Variants in PLCH1 observed in about 807,000 individuals in gnomAD.
PLCH1 encodes 1-phosphatidylinositol 4,5-bisphosphate phosphodiesterase eta-1.
A neutral mutation model predicts 126.7 loss-of-function variants in PLCH1; 60 were observed. That is an observed-to-expected ratio of 0.47 (90% CI 0.38 to 0.59). The LOEUF is 0.59. Among genes scored for constraint, PLCH1 ranks in the 20% least tolerant of loss-of-function variants. The probability of loss-of-function intolerance (pLI) is 0.00; values close to 1 mark genes in which losing one functional copy is unlikely to be tolerated. For synonymous variants in PLCH1, 719 were observed against 734.9 expected (o/e 0.98, Z 0.35); for missense variants, 1,723 against 2,040.0 (o/e 0.84, Z 2.99).
chr3:155,475,183 C>G (rs546236378), downstream of PLCH1, among the ~76,000 whole-genome samples: 1 of 151,310 alleles, frequency 6.6e-6, no homozygotes, highest in Non-Finnish European at 1.5e-5. Context: ...TATACAAATA[C>G]ATGGAAATTA....
At chr3:155,486,242 A>C in intron 21 of PLCH1, 1 of 1,300,942 alleles carries the variant, frequency 7.7e-7, no homozygotes, top group Non-Finnish European at 1.1e-6. Flanking sequence ...ACAAAACACA[A>C]TTGGGGCTCA....
At chr3:155,535,391 C>T (rs1441367246) in intron 10 of PLCH1, among the ~76,000 whole-genome samples, 2 of 152,176 alleles carry the variant, frequency 1.3e-5, no homozygotes, top group Non-Finnish European at 2.9e-5. Flanking sequence ...GGCTTGTAGC[C>T]TGGGGCAAGA....
chr3:155,587,305 G>A (rs976010466), intron 4 of PLCH1, among the ~76,000 whole-genome samples: 1 of 152,176 alleles, frequency 6.6e-6, no homozygotes, highest in Non-Finnish European at 1.5e-5. Context: ...ATACCCCATG[G>A]TACATGATCT....
intron 13 of PLCH1, among the ~76,000 whole-genome samples, chr3:155,504,305 C>A (rs1718341705): frequency 6.6e-6 from 1 of 151,990 alleles, no homozygotes; most frequent in South Asian, 2.1e-4. Context: ...ATGTTAAATA[C>A]AGTTTTTTGG....
In PLCH1 at chr3:155,546,575, C is replaced by T. The variant is rs138199645; in HGVS notation, c.1362+3212G>A. On this transcript the variant is annotated intron_variant, in intron 10 of 22. Coordinates refer to ENST00000460012, the MANE Select transcript of PLCH1 (RefSeq NM_014996.4). ...TATGGAACCAAAAAAGAGCCTGCAA[C>T]GCCAAGTCAATCCTAAGCCAAAAGA... 9.5e-3 allele frequency among the ~76,000 whole-genome samples: 1,444 copies of T among 152,230 alleles called. 23 individuals carry two copies. The highest frequency in any genetic ancestry group is 0.036 in the Admixed American group (556 of 15,290).
chr3:155,570,015 A>G (rs1728990158), intron 6 of PLCH1, among the ~76,000 whole-genome samples: 1 of 152,212 alleles, frequency 6.6e-6, no homozygotes, highest in Admixed American at 6.5e-5. Context: ...CATTCTGTGA[A>G]GTTCACAAAT....
chr3:155,481,119 C>G lies in PLCH1; in HGVS notation c.4907G>C (p.Gly1636Ala), dbSNP rs768968242. The G allele has an allele frequency of 6.2e-7, 1 of 1,614,082 alleles. No homozygotes were observed. The highest frequency in any genetic ancestry group is 8.5e-7 in the Non-Finnish European group (1 of 1,180,024). ...YIAGYLKNTKGGGLEGRGIPE... is the reference protein window; with the variant it reads ...YIAGYLKNTKAGGLEGRGIPE... ...GATGCCCCGGCCTTCAAGGCCACCC[C>G]CTTTCGTGTTCTTCAGGTAGCCTGC... is the stretch of plus-strand genomic sequence containing the variant. The change falls in exon 23 of 23, where the codon GGG (glycine) becomes GCG (alanine). Residue 1636 changes from glycine to alanine, a missense_variant. Around this residue, in one of 2 missense-constraint regions of PLCH1, gnomAD observed 947 missense variants for 977.1 expected, o/e 0.97. Transcript: ENST00000460012. The surrounding 1 kb of genome is among the most constrained non-coding windows in gnomAD (Gnocchi z 4.2).
chr3:155,650,400 G>A (rs1201540509), intron 2 of PLCH1, among the ~76,000 whole-genome samples: 1 of 152,094 alleles, frequency 6.6e-6, no homozygotes, highest in Non-Finnish European at 1.5e-5. Context: ...TATTACCCCT[G>A]AGAACATGCC....
intron 2 of PLCH1, among the ~76,000 whole-genome samples, chr3:155,603,680 C>T (rs1734026397): frequency 6.6e-6 from 1 of 152,094 alleles, no homozygotes; most frequent in Non-Finnish European, 1.5e-5. Flanking sequence ...GTTATTTTAT[C>T]TTTCAATGAG....
chr3:155,526,438 TCTC>T (rs1340492056), intron 10 of PLCH1, among the ~76,000 whole-genome samples: 4 of 151,072 alleles, frequency 2.6e-5, no homozygotes, highest in Non-Finnish European at 5.9e-5. Context: ...TCTCTCTCTC[TCTC>T]TTTTTCTCTC....
At chr3:155,728,082 C>G (rs1438612570) in intron 1 of PLCH1, among the ~76,000 whole-genome samples, 1 of 152,162 alleles carries the variant, frequency 6.6e-6, no homozygotes, top group African/African-American at 2.4e-5. Context: ...CTTCAGTGCT[C>G]AACTGAACCC....
At chr3:155,683,854 C>G (rs1164106223) in intron 2 of PLCH1, among the ~76,000 whole-genome samples, 1 of 152,166 alleles carries the variant, frequency 6.6e-6, no homozygotes, top group Non-Finnish European at 1.5e-5. Context: ...TGCACTTTCC[C>G]CTGAACAGAA....
intron 2 of PLCH1, among the ~76,000 whole-genome samples, chr3:155,626,550 A>C (rs1737273513): frequency 6.6e-6 from 1 of 152,080 alleles, no homozygotes; most frequent in Admixed American, 6.5e-5. Flanking sequence ...CGGGTGGTTC[A>C]CGAGGTCAGG....
Position 155,743,462 on chromosome 3 carries a change from G to A in PLCH1, c.-41+1378C>T, listed in dbSNP as rs1416973047. On this transcript the variant is annotated intron_variant, in intron 1 of 22. Transcript: ENST00000460012. The stretch of plus-strand genomic sequence containing the variant: ...CAAGAGAATAGCTTGAACCCAGGAG[G>A]CGGAGGTTGCAGTGAGCCGAGATCG... 9.6e-6 allele frequency: 4 copies of A among 416,878 alleles called. No individual in the cohort carries two copies. In the Admixed American group the frequency reaches 1.2e-4, roughly 13 times the overall value. The allele number at this position is 416,878 out of a possible 1,614,324, so 25.8% of individuals were successfully genotyped here.
intron 11 of PLCH1, among the ~76,000 whole-genome samples, chr3:155,521,892 C>T (rs1006190981): frequency 6.6e-6 from 1 of 152,126 alleles, no homozygotes; most frequent in Non-Finnish European, 1.5e-5. Flanking sequence ...TAGGGCCAAA[C>T]CAAAGAATCC....
chr3:155,602,521 G>C (rs948270024), intron 2 of PLCH1, among the ~76,000 whole-genome samples: 2 of 147,684 alleles, frequency 1.4e-5, no homozygotes, highest in African/African-American at 5.2e-5. Context: ...AGGGGAGTTT[G>C]TCATTGTGTG....
intron 14 of PLCH1, among the ~76,000 whole-genome samples, chr3:155,498,127 G>A (rs1487925522): frequency 1.3e-5 from 2 of 152,200 alleles, no homozygotes; most frequent in African/African-American, 4.8e-5. Flanking sequence ...CATGATGTAT[G>A]TGTCATCTGG....
chr3:155,464,185 G>A (rs777450265), intron 21 of PLCH1, among the ~76,000 whole-genome samples: 16 of 152,156 alleles, frequency 1.1e-4, no homozygotes, highest in Non-Finnish European at 2.2e-4. Flanking sequence ...GGCTCCCTAG[G>A]GAAAGAGATC....
intron 1 of PLCH1, 136 bp from the exon 2 acceptor site, chr3:155,704,400 G>C (rs74338830): frequency 0.018 from 7,066 of 395,378 alleles, 264 homozygotes; most frequent in African/African-American, 0.098. Flanking sequence ...CATGGAGCTG[G>C]AATCCCCCAG....
Sources: gnomAD v4.1 joint callset for allele counts (sites outside exome capture counted in the v4.1 genomes callset) on GRCh38, gnomAD v4.1.1 for gene constraint, gnomAD v4.1.1 regional missense constraint, Gnocchi (gnomAD v3.1) non-coding constraint, MANE v1.5 for transcripts, NCBI Gene and HGNC (gene_info 2026-07-23, HGNC 2026-07-21) for gene names.